Variants in PPARGC1B observed in about 807,000 individuals in gnomAD.
PPARGC1B encodes peroxisome proliferator-activated receptor gamma coactivator 1-beta.
In PPARGC1B, 34 loss-of-function variants were observed where a neutral mutation model predicts 101.6. The ratio of observed to expected loss-of-function variants is 0.33; its 90% confidence interval spans 0.25 to 0.45. The LOEUF (loss-of-function observed/expected upper bound fraction) is 0.45. Among genes scored for constraint, PPARGC1B ranks in the 20% least tolerant of loss-of-function variants. PPARGC1B has a pLI of 1.00. For missense variants in PPARGC1B, 1,234 were observed against 1,317.6 expected, an observed-to-expected ratio of 0.94 and a Z score of 0.98; for synonymous variants, 548 against 539.3, an observed-to-expected ratio of 1.02 and a Z score of -0.22.
chr5:149,772,621 G>A (rs1462402925), intron 1 of PPARGC1B, among the ~76,000 whole-genome samples: 1 of 152,136 alleles, frequency 6.6e-6, no homozygotes, highest in Non-Finnish European at 1.5e-5. Flanking sequence ...TGGTCTGTGT[G>A]TGCCTGTGTC....
rs575573014 is a variant in PPARGC1B at position 149,742,402 on chromosome 5, CTTTCTG to C, written c.78+11985_78+11990del. On this transcript the variant is annotated intron_variant, in intron 1 of 11. Coordinates refer to ENST00000309241, the MANE Select transcript of PPARGC1B (RefSeq NM_133263.4). ...CGATCCCCACAGTCTGCTACAGACA[CTTTCTG>C]TTCCCTGCCTTCCCTCAATACTCTG... Among the ~76,000 whole-genome samples the C allele has an allele frequency of 2.1e-3, 319 of 152,290 alleles. 2 individuals are homozygous for C. Among genetic ancestry groups the C allele is most frequent in the Middle Eastern group, 0.014 (4 of 294 alleles).
At chr5:149,839,365 C>T (rs1196663956) in intron 8 of PPARGC1B, among the ~76,000 whole-genome samples, 2 of 152,186 alleles carry the variant, frequency 1.3e-5, no homozygotes, top group Non-Finnish European at 2.9e-5. Flanking sequence ...GTGTTCTTGT[C>T]CTCTGTGCTG....
At chr5:149,748,325 C>CTATA (rs138420687) in intron 1 of PPARGC1B, among the ~76,000 whole-genome samples, 1 of 73,708 alleles carries the variant, frequency 1.4e-5, no homozygotes, top group African/African-American at 6.3e-5. Context: ...ATAGATATAT[C>CTATA]TATATATATA....
intron 2 of PPARGC1B, among the ~76,000 whole-genome samples, chr5:149,824,598 A>G (rs1275520701): frequency 1.3e-5 from 2 of 152,202 alleles, no homozygotes; most frequent in Admixed American, 1.3e-4. Flanking sequence ...TTGATGGCAG[A>G]ACCCCAAGAG....
intron 3 of PPARGC1B, among the ~76,000 whole-genome samples, chr5:149,830,055 G>GAAAAAAAAAAAAAAAAAA (rs71587791): frequency 1.1e-5 from 1 of 89,814 alleles, no homozygotes; most frequent in Admixed American, 1.5e-4. Context: ...AAAAAAAAAA[G>GAAAAAAAAAAAAAAAAAA]AAAAAAAAAA....
intron 1 of PPARGC1B, among the ~76,000 whole-genome samples, chr5:149,792,008 G>A (rs1757039458): frequency 6.6e-6 from 1 of 152,156 alleles, no homozygotes; most frequent in East Asian, 1.9e-4. Flanking sequence ...AGCCATGGGA[G>A]GGGTGTCAGT....
rs115374178 is a variant in PPARGC1B at position 149,773,644 on chromosome 5, C to T, written c.78+43224C>T. 3.7e-3 allele frequency among the ~76,000 whole-genome samples: 557 copies of T among 152,294 alleles called. 7 individuals are homozygous for T. Among genetic ancestry groups the T allele is most frequent in the African/African-American group, 0.013 (532 of 41,538 alleles). On this transcript the variant is annotated intron_variant, in intron 1 of 11. Transcript: ENST00000309241. Reference sequence around the variant, plus strand: ...ACATATCCAAATCAGTGTGTAGTTACGCACTGAGAATGTGAGGAGGCTAAC... The same window carrying T: ...ACATATCCAAATCAGTGTGTAGTTATGCACTGAGAATGTGAGGAGGCTAAC...
intron 1 of PPARGC1B, among the ~76,000 whole-genome samples, chr5:149,738,607 A>ATTT (rs537635139): frequency 2.1e-5 from 3 of 145,494 alleles, no homozygotes; most frequent in Non-Finnish European, 4.5e-5. Flanking sequence ...TCTGGAAAGC[A>ATTT]TTTTTTTTTT....
intron 1 of PPARGC1B, among the ~76,000 whole-genome samples, chr5:149,795,829 G>C (rs995957609): frequency 6.6e-6 from 1 of 152,022 alleles, no homozygotes; most frequent in Non-Finnish European, 1.5e-5. Context: ...GTATAACAGT[G>C]ATTAAGTACC....
At chr5:149,735,214 G>A (rs1482832105) in intron 1 of PPARGC1B, among the ~76,000 whole-genome samples, 1 of 152,194 alleles carries the variant, frequency 6.6e-6, no homozygotes, top group Non-Finnish European at 1.5e-5. Flanking sequence ...CTTTCATTGG[G>A]ATTCCCTGGC....
chr5:149,845,963 A>T (rs2113450666), intron 11 of PPARGC1B, 49 bp downstream of exon 11: 2 of 1,611,414 alleles, frequency 1.2e-6, no homozygotes, highest in East Asian at 2.2e-5. Context: ...AAAGCTTGGG[A>T]AGCAGTGCCT....
intron 1 of PPARGC1B, among the ~76,000 whole-genome samples, chr5:149,812,342 G>A (rs1757895909): frequency 1.3e-5 from 2 of 152,222 alleles, no homozygotes; most frequent in Non-Finnish European, 1.5e-5. Context: ...AGGTATTTCT[G>A]TGGGGACTAA....
rs990910854 is a variant in PPARGC1B at position 149,854,365 on chromosome 5, G to A, written c.*6807G>A. 12 of 151,466 alleles carry A rather than the reference G, an allele frequency of 7.9e-5. 1 individual carries two copies. Among genetic ancestry groups the A allele is most frequent in the Admixed American group, 2.6e-4 (4 of 15,102 alleles). 9.4% of individuals were successfully genotyped at this position (151,466 alleles called of 1,614,324 possible). A position where few individuals can be genotyped will look rare whatever the true frequency, so the allele number is the denominator to read the frequency against. ...TGTGTATCTGTGCACACATACACAC[G>A]TCTGTGCCTGTGTGTGTGTGTTTGT... On this transcript the variant is annotated 3_prime_UTR_variant, in exon 12 of 12. Transcript: ENST00000309241.
chr5:149,772,400 G>A (rs954233558), intron 1 of PPARGC1B, among the ~76,000 whole-genome samples: 2 of 152,184 alleles, frequency 1.3e-5, no homozygotes, highest in Non-Finnish European at 2.9e-5. Flanking sequence ...GAGGCTGCAT[G>A]GTGTTGCTGT....
chr5:149,778,668 G>C (rs1756484166), intron 1 of PPARGC1B, among the ~76,000 whole-genome samples: 1 of 152,090 alleles, frequency 6.6e-6, no homozygotes, highest in African/African-American at 2.4e-5. Context: ...ATAGAGCAAG[G>C]CTCACCCCTC....
At chr5:149,762,962 T>G (rs1755769219) in intron 1 of PPARGC1B, among the ~76,000 whole-genome samples, 1 of 152,164 alleles carries the variant, frequency 6.6e-6, no homozygotes, top group Non-Finnish European at 1.5e-5. Flanking sequence ...CATTTTTAAT[T>G]TTTTTGTAGA....
intron 1 of PPARGC1B, among the ~76,000 whole-genome samples, chr5:149,780,232 A>G (rs1343787417): frequency 2.6e-5 from 4 of 152,226 alleles, no homozygotes; most frequent in Admixed American, 2.6e-4. Flanking sequence ...GAGCAGCCAG[A>G]GCCCCGTGTG....
At chr5:149,823,952 C>T (rs547441933) in intron 2 of PPARGC1B, among the ~76,000 whole-genome samples, 8 of 152,144 alleles carry the variant, frequency 5.3e-5, no homozygotes, top group Non-Finnish European at 1.0e-4. Context: ...ACTGTGTGAC[C>T]TTGAAAGGTC....
At chr5:149,807,717 T>C (rs759762759) in intron 1 of PPARGC1B, among the ~76,000 whole-genome samples, 9 of 152,192 alleles carry the variant, frequency 5.9e-5, no homozygotes, top group Non-Finnish European at 1.0e-4. Flanking sequence ...GAGTTTCTTA[T>C]AAGCATTTTA....
Sources: allele counts gnomAD v4.1 joint callset (sites outside exome capture counted in the v4.1 genomes callset), GRCh38; gene constraint gnomAD v4.1.1; transcripts MANE v1.5; gene names NCBI Gene and HGNC (gene_info 2026-07-23, HGNC 2026-07-21).